SMPD3: variants seen among roughly 807,000 people sequenced by gnomAD.
SMPD3 encodes sphingomyelin phosphodiesterase 3, also known as nSMase-2.
Under a neutral mutation model 55.7 loss-of-function variants are expected in SMPD3, and 21 were observed. The observed-to-expected ratio is 0.38, with a 90% CI of 0.27 to 0.54. The LOEUF is 0.54. Among genes scored for constraint, SMPD3 ranks in the 20% least tolerant of loss-of-function variants. The pLI is 0.80. For missense variants in SMPD3, 842 were observed against 899.6 expected, an observed-to-expected ratio of 0.94 and a Z score of 0.82; for synonymous variants, 457 against 404.3, an observed-to-expected ratio of 1.13 and a Z score of -1.56.
intron 7 of SMPD3, 104 bp downstream of exon 7, chr16:68,363,392 C>T (rs938449158): frequency 7.8e-7 from 1 of 1,286,420 alleles, no homozygotes; most frequent in Non-Finnish European, 1.1e-6. Flanking sequence ...AAATAAAAGC[C>T]CTCATGAGCC....
Position 68,371,206 on chromosome 16 carries a change from T to C in SMPD3, c.976A>G (p.Lys326Glu), listed in dbSNP as rs2089655555. The part of the protein sequence containing the change: ...EPGANSKLLY[K>E]ASVVKKAAAR... ...GCCGCCTTCTTCACCACCGAGGCCT[T>C]GTACAGGAGCTTGCTGTTGGCACCT... The change falls in exon 3 of 9, where the codon AAG becomes GAG. Residue 326 changes from lysine to glutamate, a missense_variant. This residue lies in a region of SMPD3 where 649 missense variants were observed against 643.6 expected (regional missense o/e 1.01). Coordinates refer to ENST00000219334, the MANE Select transcript of SMPD3 (RefSeq NM_018667.4). The C allele has an allele frequency of 1.2e-6, 2 of 1,610,136 alleles. No individual in the cohort carries two copies. Among genetic ancestry groups the C allele is most frequent in the South Asian group, 1.1e-5 (1 of 90,894 alleles).
At chr16:68,441,327 T>C (rs1187974059) in intron 1 of SMPD3, among the ~76,000 whole-genome samples, 4 of 152,148 alleles carry the variant, frequency 2.6e-5, no homozygotes, top group African/African-American at 9.7e-5. Flanking sequence ...GCTAATTGAT[T>C]ACAGACCTAC....
chr16:68,363,744 A>G (rs780470338), intron 6 of SMPD3, 33 bp downstream of exon 6: 41 of 1,535,862 alleles, frequency 2.7e-5, no homozygotes, highest in Admixed American at 1.4e-4. Flanking sequence ...TGGGGAGCCC[A>G]GCTCCCATCC....
chr16:68,380,772 G>T (rs953427221), intron 2 of SMPD3, among the ~76,000 whole-genome samples: 9 of 152,262 alleles, frequency 5.9e-5, no homozygotes, highest in Non-Finnish European at 1.3e-4. Context: ...AAGAGGGGAT[G>T]ACAGCATACT....
chr16:68,370,904 CTTG>C lies in SMPD3; in HGVS notation c.1275_1277del (p.Asn425del), dbSNP rs748088459. 1.2e-6 allele frequency: 2 copies of C among 1,614,014 alleles called. No individual in the cohort carries two copies. Among genetic ancestry groups the C allele is most frequent in the South Asian group, 2.2e-5 (2 of 91,076 alleles). ...TAGAGGCCAGGGCATCGTCGTTACACTTGTTGGGGTAACAGTGATAGGCCACGT... is the reference window on the plus strand; with the variant it reads ...TAGAGGCCAGGGCATCGTCGTTACACTTGGGGTAACAGTGATAGGCCACGT... On this transcript the variant is annotated inframe_deletion, in exon 3 of 9. Transcript: ENST00000219334.
intron 3 of SMPD3, among the ~76,000 whole-genome samples, chr16:68,366,107 G>C (rs1003270982): frequency 6.6e-6 from 1 of 152,212 alleles, no homozygotes; most frequent in Non-Finnish European, 1.5e-5. Flanking sequence ...GACCCAAAAA[G>C]CACTCCAGGG....
At chr16:68,424,797 G>A (rs981349533) in intron 1 of SMPD3, among the ~76,000 whole-genome samples, 13 of 152,124 alleles carry the variant, frequency 8.5e-5, no homozygotes, top group East Asian at 5.8e-4. Flanking sequence ...TGCAACCTCC[G>A]CCTCCTGGGC....
chr16:68,421,520 C>A (rs1250976998), intron 1 of SMPD3, among the ~76,000 whole-genome samples: 1 of 152,246 alleles, frequency 6.6e-6, no homozygotes, highest in Non-Finnish European at 1.5e-5. Context: ...GGGGGACAGA[C>A]TTATGACCAA....
chr16:68,420,016 T>A (rs1242651109), intron 1 of SMPD3, among the ~76,000 whole-genome samples: 1 of 151,694 alleles, frequency 6.6e-6, no homozygotes, highest in Non-Finnish European at 1.5e-5. Context: ...ATAGTGTCTT[T>A]CTTGTCACAT....
At chr16:68,396,819 C>T (rs548776745) in intron 1 of SMPD3, among the ~76,000 whole-genome samples, 4 of 152,292 alleles carry the variant, frequency 2.6e-5, no homozygotes, top group East Asian at 1.9e-4. Context: ...GAAAACAAAA[C>T]GAAAATGCAA....
intron 1 of SMPD3, among the ~76,000 whole-genome samples, chr16:68,439,151 T>A (rs1322576590): frequency 6.6e-6 from 1 of 152,100 alleles, no homozygotes; most frequent in Non-Finnish European, 1.5e-5. Context: ...AAAGATGAAG[T>A]CTGGAAAGGT....
At chr16:68,399,466 C>T (rs1018905400) in intron 1 of SMPD3, among the ~76,000 whole-genome samples, 11 of 152,206 alleles carry the variant, frequency 7.2e-5, no homozygotes, top group Non-Finnish European at 1.6e-4. Flanking sequence ...TCTGCTGTCC[C>T]CACGCCCCCA....
intron 7 of SMPD3, 130 bp downstream of exon 7, chr16:68,363,366 G>T: frequency 9.9e-7 from 1 of 1,012,946 alleles, no homozygotes; most frequent in South Asian, 1.4e-5. Context: ...GGTGAGATGA[G>T]GGACAGGTTT....
intron 1 of SMPD3, among the ~76,000 whole-genome samples, chr16:68,387,596 C>T (rs539494490): frequency 6.6e-6 from 1 of 152,348 alleles, no homozygotes; most frequent in Admixed American, 6.5e-5. Flanking sequence ...TCCTTGGCTC[C>T]GGGGCCCGCC....
intron 1 of SMPD3, among the ~76,000 whole-genome samples, chr16:68,423,896 G>A (rs753644415): frequency 2.6e-5 from 4 of 152,146 alleles, no homozygotes; most frequent in Admixed American, 1.3e-4. Context: ...CTGAGGAGGC[G>A]GTGATGTCAC....
Position 68,442,398 on chromosome 16 carries a change from C to T in SMPD3, c.-269+5955G>A, listed in dbSNP as rs115176937. On this transcript the variant is annotated intron_variant, in intron 1 of 8. Coordinates refer to ENST00000219334, the MANE Select transcript of SMPD3 (RefSeq NM_018667.4). ...GGTTTCTGTGTCTGTTTCCTTGTTC[C>T]GTTCAAGATTTCTATAAGAAAGGAC... Among the ~76,000 whole-genome samples the T allele has an allele frequency of 3.4e-3, 514 of 152,288 alleles. 6 individuals carry two copies. Among genetic ancestry groups the T allele is most frequent in the African/African-American group, 0.011 (470 of 41,558 alleles).
chr16:68,437,748 C>T (rs1224318832), intron 1 of SMPD3, among the ~76,000 whole-genome samples: 1 of 152,220 alleles, frequency 6.6e-6, no homozygotes, highest in Non-Finnish European at 1.5e-5. Context: ...CATCTGTGCC[C>T]CTCTCCTTTC....
intron 2 of SMPD3, among the ~76,000 whole-genome samples, chr16:68,381,778 C>T (rs1021333933): frequency 8.5e-5 from 13 of 152,152 alleles, no homozygotes; most frequent in Admixed American, 1.3e-4. Flanking sequence ...TTATAACCAC[C>T]GCATGACCCA....
intron 1 of SMPD3, among the ~76,000 whole-genome samples, chr16:68,416,807 A>G (rs923430046): frequency 9.2e-5 from 14 of 151,860 alleles, no homozygotes; most frequent in Non-Finnish European, 1.6e-4. Context: ...GTCAGAGCAT[A>G]GGCCATGCTA....
Sources: gnomAD v4.1 joint callset for allele counts (sites outside exome capture counted in the v4.1 genomes callset) on GRCh38, gnomAD v4.1.1 for gene constraint, gnomAD v4.1.1 regional missense constraint, MANE v1.5 for transcripts, NCBI Gene and HGNC (gene_info 2026-07-23, HGNC 2026-07-21) for gene names.